Variants in C1orf105 observed in about 807,000 individuals in gnomAD.
The protein encoded by C1orf105 is uncharacterized protein C1orf105.
Under a neutral mutation model 20.8 loss-of-function variants are expected in C1orf105, and 17 were observed. That is an observed-to-expected ratio of 0.82 (90% confidence interval 0.56 to 1.23). The LOEUF is 1.23. Ranked by LOEUF, C1orf105 falls within the 50% of genes most tolerant of loss-of-function variation. The probability of loss-of-function intolerance (pLI) is 0.00; values close to 1 mark genes in which losing one functional copy is unlikely to be tolerated. For missense variants in C1orf105, 219 were observed against 213.5 expected (o/e 1.03, Z -0.16); for synonymous variants, 72 against 72.1 (o/e 1.00, Z 0.01).
intron 1 of C1orf105, chr1:172,430,288 C>G (rs533011016): frequency 1.0e-5 from 7 of 701,580 alleles, no homozygotes; most frequent in Non-Finnish European, 1.6e-5. Context: ...CAATTGTTTT[C>G]TAGGCCTGAA....
chr1:172,425,751 T>TA (rs2071706873), intron 1 of C1orf105, among the ~76,000 whole-genome samples: 1 of 152,156 alleles, frequency 6.6e-6, no homozygotes, highest in African/African-American at 2.4e-5. Flanking sequence ...AAAATGCACA[T>TA]AACCCAGAGA....
intron 2 of C1orf105, among the ~76,000 whole-genome samples, chr1:172,447,950 A>G (rs985875333): frequency 6.6e-5 from 10 of 152,220 alleles, no homozygotes; most frequent in African/African-American, 2.4e-4. Flanking sequence ...CACTGCTTCA[A>G]CTGCTAACTA....
At chr1:172,461,566 G>A (rs565937631) in intron 4 of C1orf105, among the ~76,000 whole-genome samples, 9 of 152,146 alleles carry the variant, frequency 5.9e-5, no homozygotes, top group East Asian at 3.9e-4. Flanking sequence ...TTTCTTAACC[G>A]AAAATACTGT....
chr1:172,457,849 G>A (rs1019792031), intron 4 of C1orf105, among the ~76,000 whole-genome samples: 1 of 152,148 alleles, frequency 6.6e-6, no homozygotes, highest in Non-Finnish European at 1.5e-5. Flanking sequence ...AAGTGCCCAG[G>A]GACCCTTCTG....
intron 1 of C1orf105, among the ~76,000 whole-genome samples, chr1:172,436,433 C>T (rs550105486): frequency 1.3e-5 from 2 of 152,098 alleles, no homozygotes; most frequent in Non-Finnish European, 2.9e-5. Flanking sequence ...TCAGAAATAA[C>T]ACCACACATC....
At chr1:172,429,722 C>G (rs1573830064) in intron 1 of C1orf105, among the ~76,000 whole-genome samples, 1 of 152,278 alleles carries the variant, frequency 6.6e-6, no homozygotes, top group African/African-American at 2.4e-5. Context: ...TTACTGACAC[C>G]AATACAATCT....
chr1:172,436,386 A>G (rs999677221), intron 1 of C1orf105, among the ~76,000 whole-genome samples: 2 of 152,244 alleles, frequency 1.3e-5, no homozygotes, highest in African/African-American at 4.8e-5. Context: ...ACTGATACCA[A>G]AACAGAGATA....
At position 172,420,760 on chromosome 1, in the gene C1orf105, C is replaced by T. The variant is rs1485356642; in HGVS notation, c.-126C>T. 17 of 864,914 alleles carry T rather than the reference C, an allele frequency of 2.0e-5. No individual in the cohort carries two copies. Among genetic ancestry groups the T allele is most frequent in the South Asian group, 1.8e-4 (12 of 65,336 alleles). 53.6% of individuals were successfully genotyped at this position (864,914 alleles called of 1,614,324 possible). A position where few individuals can be genotyped will look rare whatever the true frequency, so the allele number is the denominator to read the frequency against. ...AAACTGTAAACTGGCCTGTTTACTT[C>T]GTCTCCTAACAAAAAACACTTTGGA... On this transcript the variant is annotated 5_prime_UTR_variant, in exon 1 of 7. Transcript: ENST00000367727.
In C1orf105 at chr1:172,442,777, C is replaced by T. The variant is rs1379483399; in HGVS notation, c.22-2296C>T. ...CTTTCCTTGTTTTCAAAGGCAGGGG[C>T]TAGGCCTACAATAGATGAATTTGTC... On this transcript the variant is annotated intron_variant, in intron 1 of 6. Transcript: ENST00000367727. The T allele has an allele frequency of 1.3e-5, 9 of 667,956 alleles. No homozygotes were observed. In the Admixed American group the frequency reaches 1.4e-4, roughly 10 times the overall value. The allele number at this position is 667,956 out of a possible 1,614,324, so 41.4% of individuals were successfully genotyped here.
intron 1 of C1orf105, among the ~76,000 whole-genome samples, chr1:172,424,871 G>C (rs1468948187): frequency 6.6e-6 from 1 of 151,960 alleles, no homozygotes; most frequent in Non-Finnish European, 1.5e-5. Context: ...AAGAGTGTGA[G>C]GCCCACAGTG....
At chr1:172,452,896 C>G (rs1007955829) in intron 3 of C1orf105, 1 of 1,485,794 alleles carries the variant, frequency 6.7e-7, no homozygotes, top group Non-Finnish European at 8.9e-7. Context: ...TGAATGTGGA[C>G]AATTCCCTCT....
chr1:172,447,362 A>G (rs1024902853), intron 2 of C1orf105, among the ~76,000 whole-genome samples: 1 of 152,178 alleles, frequency 6.6e-6, no homozygotes, highest in Non-Finnish European at 1.5e-5. Context: ...GCCTGTACTG[A>G]CCCACTTCCT....
intron 1 of C1orf105, among the ~76,000 whole-genome samples, chr1:172,425,124 C>T (rs892081300): frequency 3.6e-4 from 55 of 152,244 alleles, no homozygotes; most frequent in Non-Finnish European, 7.5e-4. Flanking sequence ...TAGGATCATA[C>T]TGGATGTTAC....
intron 5 of C1orf105, among the ~76,000 whole-genome samples, chr1:172,464,207 C>A (rs1649888826): frequency 6.6e-6 from 1 of 152,162 alleles, no homozygotes; most frequent in Admixed American, 6.5e-5. Context: ...ATAGACAGAG[C>A]TTAAACTATT....
intron 6 of C1orf105, 34 bp from the exon 7 acceptor site, chr1:172,468,415 C>T (rs1196845264): frequency 6.4e-7 from 1 of 1,571,498 alleles, no homozygotes. Context: ...CTAAGTAGTC[C>T]TTATCCTTCT....
At position 172,461,179 on chromosome 1, in the gene C1orf105, T is replaced by TCCTCTC. The variant is rs538982567; in HGVS notation, c.274-990_274-985dup. On this transcript the variant is annotated intron_variant, in intron 4 of 6. Coordinates refer to ENST00000367727, the MANE Select transcript of C1orf105 (RefSeq NM_139240.4). ...GCTCTTTGTTACCAGATCAGCTCCT[T>TCCTCTC]CCTCTCCCTCTCCCATCCTTTCTTC... Among the ~76,000 whole-genome samples, 105 of 152,360 alleles carry TCCTCTC rather than the reference T, an allele frequency of 6.9e-4. 1 individual carries two copies. Among genetic ancestry groups the TCCTCTC allele is most frequent in the African/African-American group, 2.4e-3 (101 of 41,586 alleles).
chr1:172,442,858 G>C (rs1221808769), intron 1 of C1orf105: 2 of 481,142 alleles, frequency 4.2e-6, no homozygotes, highest in African/African-American at 1.9e-5. Flanking sequence ...GTGAACCTAC[G>C]AAAGTTGTGA....
Position 172,465,330 on chromosome 1 carries a change from A to G in C1orf105, c.373A>G (p.Thr125Ala). The part of the protein sequence containing the change: ...MSLHQPKFQT[T>A]PEPFHDDIPT... ...TCTTCATCAACCCAAATTCCAGACTACACCTGAGCCTTTCCATGATGACAT... is the reference window on the plus strand; with the variant it reads ...TCTTCATCAACCCAAATTCCAGACTGCACCTGAGCCTTTCCATGATGACAT... Residue 125 changes from threonine to alanine, a missense_variant, in exon 6 of 7, where the codon ACA (threonine) becomes GCA (alanine). Thr to Ala is a moderately conservative substitution (Grantham distance 58, BLOSUM62 0). Transcript: ENST00000367727. 6 of 1,613,292 alleles carry G rather than the reference A, an allele frequency of 3.7e-6. No individual in the cohort carries two copies. Among genetic ancestry groups the G allele is most frequent in the Non-Finnish European group, 5.1e-6 (6 of 1,179,234 alleles).
chr1:172,466,707 A>T (rs1216291447), intron 6 of C1orf105, among the ~76,000 whole-genome samples: 2 of 152,146 alleles, frequency 1.3e-5, no homozygotes, highest in African/African-American at 4.8e-5. Flanking sequence ...TCATCAATGT[A>T]TTATCTCTGG....
Sources: gnomAD v4.1 joint callset for allele counts (sites outside exome capture counted in the v4.1 genomes callset) on GRCh38, gnomAD v4.1.1 for gene constraint, MANE v1.5 for transcripts, NCBI Gene and HGNC (gene_info 2026-07-23, HGNC 2026-07-21) for gene names.